Variants in QRICH1 observed in about 807,000 individuals in gnomAD.
QRICH1 encodes the protein glutamine rich 1.
QRICH1 carries 16 observed loss-of-function variants against 87.1 expected under a neutral mutation model. The ratio of observed to expected loss-of-function variants is 0.18; its 90% CI spans 0.12 to 0.28. The LOEUF (loss-of-function observed/expected upper bound fraction) is 0.28. Among genes scored for constraint, QRICH1 ranks in the 10% least tolerant of loss-of-function variants. The pLI is 1.00. For synonymous variants in QRICH1, 367 were observed against 368.4 expected (o/e 1.00, Z 0.05); for missense variants, 647 against 951.7 (o/e 0.68, Z 4.21).
chr3:49,084,319 G>A (rs528503232), intron 1 of QRICH1, among the ~76,000 whole-genome samples: 9 of 150,860 alleles, frequency 6.0e-5, no homozygotes, highest in Admixed American at 6.6e-5. Context: ...GTAGTGGCAC[G>A]ATCCTGGCTC....
intron 1 of QRICH1, among the ~76,000 whole-genome samples, chr3:49,083,786 A>G (rs1487104465): frequency 1.3e-5 from 2 of 151,108 alleles, no homozygotes; most frequent in South Asian, 2.1e-4. Flanking sequence ...AAAATTAGCC[A>G]GGTGTGGTGC....
At chr3:49,063,068 T>C (rs892691713) in intron 2 of QRICH1, among the ~76,000 whole-genome samples, 1 of 152,202 alleles carries the variant, frequency 6.6e-6, no homozygotes, top group African/African-American at 2.4e-5. Flanking sequence ...CTTTTCTGCC[T>C]GTGAATCCAT....
chr3:49,034,556 C>T (rs1471041659), intron 6 of QRICH1, among the ~76,000 whole-genome samples: 1 of 152,184 alleles, frequency 6.6e-6, no homozygotes, highest in Non-Finnish European at 1.5e-5. Flanking sequence ...TCAAAGACTC[C>T]TCCTGCCAGT....
intron 3 of QRICH1, among the ~76,000 whole-genome samples, chr3:49,055,543 T>C (rs565714090): frequency 6.2e-4 from 95 of 152,320 alleles, no homozygotes; most frequent in African/African-American, 2.2e-3. Flanking sequence ...TTTAAATTTT[T>C]GTAGAGATAG....
intron 6 of QRICH1, among the ~76,000 whole-genome samples, chr3:49,041,339 A>ATG (rs34898562): frequency 1.3e-3 from 198 of 149,306 alleles, no homozygotes; most frequent in Middle Eastern, 0.01. Context: ...GATATTTAAT[A>ATG]TGTGTGTGTG....
chr3:49,057,874 T>C lies in QRICH1; in HGVS notation c.326A>G (p.Gln109Arg). The C allele has an allele frequency of 6.2e-7, 1 of 1,614,016 alleles. No homozygotes were observed. Residue 109 changes from glutamine (Q) to arginine (R), a missense_variant, in exon 3 of 10, where the codon CAG becomes CGG. This residue lies in a region of QRICH1 where 156 missense variants were observed against 164.5 expected (regional missense o/e 0.95). Transcript: ENST00000395443. The surrounding 1 kb of genome is among the most constrained non-coding windows in gnomAD (Gnocchi z 5.4). Reference sequence around the variant, plus strand: ...AGCCGAGACCTGTTGCGGAGACTGCTGTACCTGCACCTGGACCTGTAAGCA... The same window carrying C: ...AGCCGAGACCTGTTGCGGAGACTGCCGTACCTGCACCTGGACCTGTAAGCA... ...PQQVQVQVQVQQSPQQVSAQL... is the reference protein window; with the variant it reads ...PQQVQVQVQVRQSPQQVSAQL...
chr3:49,075,986 G>C (rs1015293357), intron 2 of QRICH1, among the ~76,000 whole-genome samples: 1 of 152,104 alleles, frequency 6.6e-6, no homozygotes, highest in African/African-American at 2.4e-5. Flanking sequence ...GCTCATGCCT[G>C]TAATCCCAGC....
Position 49,032,275 on chromosome 3 carries a change from T to C in QRICH1, c.2048-2A>G. ...GTTCTGCATACATGTCATCTGTAAC[T>C]ATAAAACACACATCCCCACCACCAC... On this transcript the variant is annotated splice_acceptor_variant, in intron 8 of 9. Coordinates refer to ENST00000395443, the MANE Select transcript of QRICH1 (RefSeq NM_198880.3). LOFTEE classifies it high-confidence loss of function. 2 of 1,608,270 alleles carry C rather than the reference T, an allele frequency of 1.2e-6. No homozygotes were observed. Among genetic ancestry groups the C allele is most frequent in the South Asian group, 2.2e-5 (2 of 90,986 alleles).
At chr3:49,039,618 C>CAAAAAAAAAAAAAAAA (rs899570014) in intron 6 of QRICH1, among the ~76,000 whole-genome samples, 1 of 16,352 alleles carries the variant, frequency 6.1e-5, no homozygotes, top group Non-Finnish European at 1.3e-4. Flanking sequence ...GACTCCATCT[C>CAAAAAAAAAAAAAAAA]AAAAAAAAAA....
intron 3 of QRICH1, among the ~76,000 whole-genome samples, chr3:49,048,294 G>A (rs1343319344): frequency 3.3e-5 from 5 of 151,336 alleles, no homozygotes; most frequent in South Asian, 2.1e-4. Flanking sequence ...CACCACGCCC[G>A]GCTAATTTTG....
At chr3:49,046,104 G>A (rs573578013) in intron 5 of QRICH1, among the ~76,000 whole-genome samples, 238 of 151,556 alleles carry the variant, frequency 1.6e-3, no homozygotes, top group Non-Finnish European at 2.7e-3. Flanking sequence ...TTTAGTGGAT[G>A]GGGTTTCACC....
rs1323343894 is a variant in QRICH1 at position 49,056,913 on chromosome 3, T to C, written c.1287A>G (p.Glu429=). Residue 429 remains glutamate (E), a synonymous_variant, in exon 3 of 10, where the codon GAA becomes GAG. Coordinates refer to ENST00000395443, the MANE Select transcript of QRICH1 (RefSeq NM_198880.3). ...GCTGCTGCTGTGGTGGTGGTGTCTG[T>C]TCCTGGGGAGTTTGCTGCTGCGGCT... is the stretch of plus-strand genomic sequence containing the variant. ...QQQPQQQTPQ[E]QTPPPQQQQQ... is the part of the protein sequence containing the mutation. 3.1e-6 allele frequency: 5 copies of C among 1,614,028 alleles called. No individual in the cohort carries two copies. The highest frequency in any genetic ancestry group is 3.4e-6 in the Non-Finnish European group (4 of 1,179,990).
At chr3:49,062,875 C>G (rs1009693677) in intron 2 of QRICH1, among the ~76,000 whole-genome samples, 1 of 151,748 alleles carries the variant, frequency 6.6e-6, no homozygotes, top group East Asian at 2.0e-4. Context: ...TGACGGGTGC[C>G]TGTAGTCCCA....
chr3:49,091,555 T>C (rs2042275081), intron 1 of QRICH1, among the ~76,000 whole-genome samples: 1 of 152,244 alleles, frequency 6.6e-6, no homozygotes, highest in South Asian at 2.1e-4. Flanking sequence ...TGATCTTTAG[T>C]TTGAAATGGC....
chr3:49,076,633 G>GCC, intron 2 of QRICH1, 76 bp downstream of exon 2: 2 of 1,063,574 alleles, frequency 1.9e-6, no homozygotes, highest in Non-Finnish European at 2.6e-6. Context: ...ACATAGATGT[G>GCC]ATGAGCCCAC....
chr3:49,052,329 G>A (rs879633608), intron 3 of QRICH1, among the ~76,000 whole-genome samples: 1 of 152,124 alleles, frequency 6.6e-6, no homozygotes, highest in Non-Finnish European at 1.5e-5. Context: ...TGGTGCCAAT[G>A]AAGATCTGAG....
intron 2 of QRICH1, among the ~76,000 whole-genome samples, chr3:49,069,351 C>A (rs922804847): frequency 6.6e-6 from 1 of 151,708 alleles, no homozygotes; most frequent in Admixed American, 6.6e-5. Flanking sequence ...ATCCACCCGC[C>A]TTGTCCTCCC....
chr3:49,054,191 A>C (rs958443642), intron 3 of QRICH1, among the ~76,000 whole-genome samples: 12 of 152,312 alleles, frequency 7.9e-5, no homozygotes, highest in African/African-American at 2.9e-4. Flanking sequence ...GAAGACCCAG[A>C]CATGGAAATT....
At chr3:49,086,055 ATACTC>A (rs1296194175) in intron 1 of QRICH1, among the ~76,000 whole-genome samples, 2 of 151,834 alleles carry the variant, frequency 1.3e-5, no homozygotes, top group African/African-American at 2.4e-5. Context: ...AAAAAAGAAA[ATACTC>A]TAATGCTCTT....
Sources: gnomAD v4.1 joint callset for allele counts (sites outside exome capture counted in the v4.1 genomes callset) on GRCh38, gnomAD v4.1.1 for gene constraint, gnomAD v4.1.1 regional missense constraint, Gnocchi (gnomAD v3.1) non-coding constraint, MANE v1.5 for transcripts, NCBI Gene and HGNC (gene_info 2026-07-23, HGNC 2026-07-21) for gene names.